ACTR3C: variants seen among roughly 807,000 people sequenced by gnomAD.
The protein encoded by ACTR3C is actin related protein 3C.
Under a neutral mutation model 26.3 loss-of-function variants are expected in ACTR3C, and 18 were observed. That is an observed-to-expected ratio of 0.68 (90% confidence interval 0.47 to 1.01). The LOEUF is 1.01. Among genes scored for constraint, ACTR3C ranks in the 50% least tolerant of loss-of-function variants. The probability of loss-of-function intolerance (pLI) is 0.00; values close to 1 mark genes in which losing one functional copy is unlikely to be tolerated. For synonymous variants in ACTR3C, 55 were observed against 94.5 expected, an observed-to-expected ratio of 0.58 and a Z score of 2.42; for missense variants, 184 against 250.7, an observed-to-expected ratio of 0.73 and a Z score of 1.80.
At chr7:149,984,178 A>G in the ACTR3C span, among the ~76,000 whole-genome samples, 1 of 151,544 alleles carries the variant, frequency 6.6e-6, no homozygotes, top group African/African-American at 2.4e-5. Flanking sequence ...TCCCTGTTTT[A>G]TTTAGTACCT....
the ACTR3C span, among the ~76,000 whole-genome samples, chr7:150,066,249 G>A: frequency 5.9e-5 from 9 of 152,174 alleles, no homozygotes; most frequent in African/African-American, 2.2e-4. Context: ...CACTATGTGA[G>A]GTGTGCAGAG....
At chr7:150,226,923 AC>A in the ACTR3C span, among the ~76,000 whole-genome samples, 2 of 152,074 alleles carry the variant, frequency 1.3e-5, no homozygotes, top group African/African-American at 4.8e-5. Flanking sequence ...TATTTTGGGT[AC>A]AAGTAATTAA....
At chr7:150,000,236 C>T in the ACTR3C span, among the ~76,000 whole-genome samples, 7 of 151,226 alleles carry the variant, frequency 4.6e-5, no homozygotes, top group Non-Finnish European at 8.8e-5. Flanking sequence ...AGCACAAATA[C>T]CAAGATTTAA....
chr7:150,298,059 G>A (rs1795087174), intron 1 of ACTR3C, among the ~76,000 whole-genome samples: 1 of 151,236 alleles, frequency 6.6e-6, no homozygotes, highest in Non-Finnish European at 1.5e-5. Context: ...TAAACATAAA[G>A]TTATAAATGT....
chr7:150,151,226 C>A, the ACTR3C span, among the ~76,000 whole-genome samples: 1 of 133,068 alleles, frequency 7.5e-6, no homozygotes, highest in African/African-American at 2.6e-5. Context: ...TTCTATTTTT[C>A]TGTTTAGCTA....
the ACTR3C span, among the ~76,000 whole-genome samples, chr7:150,238,012 C>T: frequency 6.7e-6 from 1 of 150,222 alleles, no homozygotes; most frequent in African/African-American, 2.5e-5. Context: ...GTGTTCTTGG[C>T]CTCACCTTCC....
At chr7:150,134,618 G>A in the ACTR3C span, among the ~76,000 whole-genome samples, 2 of 152,298 alleles carry the variant, frequency 1.3e-5, no homozygotes, top group Admixed American at 1.3e-4. Context: ...CTCACAATGT[G>A]AAAGATTCTC....
chr7:150,266,930 T>C (rs1180047615), intron 6 of ACTR3C, among the ~76,000 whole-genome samples: 2 of 152,372 alleles, frequency 1.3e-5, no homozygotes, highest in South Asian at 4.1e-4. Flanking sequence ...GGAGGGTAGA[T>C]GCTGTAAGTA....
chr7:149,983,449 G>GTGTATATATATATATATA, the ACTR3C span, among the ~76,000 whole-genome samples: 28 of 23,316 alleles, frequency 1.2e-3, no homozygotes, highest in African/African-American at 3.8e-3. Flanking sequence ...GTGTGTGTGT[G>GTGTATATATATATATATA]TATATATATA....
the ACTR3C span, among the ~76,000 whole-genome samples, chr7:150,103,649 G>C: frequency 6.6e-6 from 1 of 151,934 alleles, no homozygotes; most frequent in East Asian, 1.9e-4. Context: ...GAGAGAGAGA[G>C]AGAGAGGCAT....
At chr7:150,178,997 C>A in the ACTR3C span, among the ~76,000 whole-genome samples, 1 of 149,886 alleles carries the variant, frequency 6.7e-6, no homozygotes, top group African/African-American at 2.5e-5. Flanking sequence ...GCCAGTGGAT[C>A]TGTGCCTCCA....
At chr7:150,180,757 G>A in the ACTR3C span, among the ~76,000 whole-genome samples, 10 of 148,980 alleles carry the variant, frequency 6.7e-5, no homozygotes, top group East Asian at 3.9e-4. Flanking sequence ...TGATCCGCCC[G>A]CCTCGGCCTC....
At chr7:149,956,654 G>T in the ACTR3C span, among the ~76,000 whole-genome samples, 29 of 151,940 alleles carry the variant, frequency 1.9e-4, no homozygotes, top group Non-Finnish European at 4.4e-5. Context: ...TGTTTAATCA[G>T]ATATGGCCCT....
At chr7:150,141,936 A>G in the ACTR3C span, among the ~76,000 whole-genome samples, 1 of 152,086 alleles carries the variant, frequency 6.6e-6, no homozygotes, top group African/African-American at 2.4e-5. Context: ...TTCAGGGAGA[A>G]ATAGCAATGG....
At chr7:150,179,656 TTA>T in the ACTR3C span, among the ~76,000 whole-genome samples, 2 of 150,820 alleles carry the variant, frequency 1.3e-5, no homozygotes, top group African/African-American at 5.0e-5. Context: ...GGCTACAATT[TTA>T]TTTTTTATTT....
At chr7:150,269,282 C>T (rs1195146413) in intron 6 of ACTR3C, among the ~76,000 whole-genome samples, 1 of 129,054 alleles carries the variant, frequency 7.7e-6, no homozygotes, top group East Asian at 2.4e-4. Flanking sequence ...GTAGAAACCC[C>T]GTTTTCCTGA....
chr7:150,035,670 G>C, the ACTR3C span, among the ~76,000 whole-genome samples: 7 of 138,326 alleles, frequency 5.1e-5, no homozygotes, highest in East Asian at 1.3e-3. Context: ...CCTCCAGGTG[G>C]GTCCTAAGGA....
the ACTR3C span, among the ~76,000 whole-genome samples, chr7:150,011,673 C>T: frequency 2.0e-5 from 3 of 152,032 alleles, no homozygotes; most frequent in African/African-American, 7.2e-5. Context: ...TCTTTTTTAA[C>T]TCTCAGTTTT....
At chr7:150,050,489 C>T in the ACTR3C span, among the ~76,000 whole-genome samples, 2 of 152,184 alleles carry the variant, frequency 1.3e-5, no homozygotes, top group African/African-American at 4.8e-5. Context: ...TAAGCGATTT[C>T]TGCTTAAAAT....
Sources: gnomAD v4.1 joint callset for allele counts (sites outside exome capture counted in the v4.1 genomes callset) on GRCh38, gnomAD v4.1.1 for gene constraint, MANE v1.5 for transcripts, NCBI Gene and HGNC (gene_info 2026-07-23, HGNC 2026-07-21) for gene names.